The following PPP4R4 variants were observed in gnomAD, a reference collection of about 807,000 sequenced individuals.
PPP4R4 encodes the protein protein phosphatase 4 regulatory subunit 4.
A neutral mutation model predicts 121.8 loss-of-function variants in PPP4R4; 70 were observed. The ratio of observed to expected loss-of-function variants is 0.57; its 90% confidence interval spans 0.47 to 0.70. The LOEUF (loss-of-function observed/expected upper bound fraction) is 0.70, where lower values mean the gene tolerates loss of function less well. PPP4R4 is among the 30% of genes least tolerant of loss of function. The pLI, the probability that PPP4R4 is intolerant of heterozygous loss-of-function variation, is 0.00. For missense variants in PPP4R4, 875 were observed against 1,033.6 expected (o/e 0.85, Z 2.10); for synonymous variants, 348 against 355.7 (o/e 0.98, Z 0.24).
intron 2 of PPP4R4, among the ~76,000 whole-genome samples, chr14:94,206,394 T>C (rs112458284): frequency 0.023 from 3,533 of 152,178 alleles, 85 homozygotes; most frequent in Non-Finnish European, 0.037. Context: ...TATAGTCGAA[T>C]CATTTTTAAA....
At chr14:94,266,930 A>G in intron 22 of PPP4R4, 29 bp from the exon 23 acceptor site, 8 of 1,437,100 alleles carry the variant, frequency 5.6e-6, no homozygotes, top group Non-Finnish European at 7.8e-6. Flanking sequence ...GTGTTTTTGT[A>G]TTTTAAACTA....
At chr14:94,275,563 T>C (rs1894592952) in intron 24 of PPP4R4, 42 bp downstream of exon 24, 1 of 1,601,992 alleles carries the variant, frequency 6.2e-7, no homozygotes. Context: ...ATTATCCTCC[T>C]CTTTTGCTTA....
chr14:94,222,904 C>T (rs532384123), intron 3 of PPP4R4, among the ~76,000 whole-genome samples: 122 of 152,022 alleles, frequency 8.0e-4, no homozygotes, highest in Middle Eastern at 6.8e-3. Context: ...ATAGTATTTC[C>T]ATGTCCTTTA....
At chr14:94,278,559 C>G (rs372359555) in intron 24 of PPP4R4, 60 bp from the exon 25 acceptor site, 2 of 1,193,600 alleles carry the variant, frequency 1.7e-6, no homozygotes, top group Admixed American at 2.1e-5. Context: ...TCTTTTTCTC[C>G]CTTTCTCACT....
rs1162380036 is a variant in PPP4R4 at position 94,208,551 on chromosome 14, G to A, written c.279G>A (p.Val93=). 6.2e-7 allele frequency: 1 copy of A among 1,606,722 alleles called. No individual in the cohort carries two copies. Among genetic ancestry groups the A allele is most frequent in the Non-Finnish European group, 8.5e-7 (1 of 1,174,224 alleles). ...RQNPTETLRR[V]LPKVREALHV... ...ATCCCACTGAGACGCTTCGGAGAGT[G>A]TTGCCAAAAGTCAGAGTAAGTTGGT... The change falls in exon 3 of 25, where the codon GTG becomes GTA. Residue 93 remains valine (V), a synonymous_variant. Transcript: ENST00000304338.
intron 3 of PPP4R4, among the ~76,000 whole-genome samples, chr14:94,222,136 A>G (rs1007149000): frequency 6.6e-6 from 1 of 151,994 alleles, no homozygotes; most frequent in Admixed American, 6.5e-5. Context: ...CTGTATTTTA[A>G]TTAGAATATT....
intron 2 of PPP4R4, among the ~76,000 whole-genome samples, chr14:94,176,421 T>C (rs180874136): frequency 9.8e-5 from 15 of 152,348 alleles, no homozygotes; most frequent in Admixed American, 9.8e-4. Flanking sequence ...TTTTCTCGCG[T>C]AAGATTCAGT....
intron 2 of PPP4R4, among the ~76,000 whole-genome samples, chr14:94,182,614 C>T (rs757098950): frequency 9.9e-5 from 15 of 152,154 alleles, no homozygotes; most frequent in Non-Finnish European, 2.2e-4. Flanking sequence ...ATTGTTCATT[C>T]TCATTGCTGT....
At chr14:94,194,278 A>C (rs1277302483) in intron 2 of PPP4R4, among the ~76,000 whole-genome samples, 1 of 152,074 alleles carries the variant, frequency 6.6e-6, no homozygotes, top group Non-Finnish European at 1.5e-5. Flanking sequence ...TTAGTTTTAG[A>C]GGAATGGTTT....
intron 24 of PPP4R4, among the ~76,000 whole-genome samples, chr14:94,277,768 A>G (rs978833318): frequency 1.3e-5 from 2 of 152,172 alleles, no homozygotes; most frequent in African/African-American, 2.4e-5. Context: ...CTTGTTCAAC[A>G]TACGTAGTAT....
At chr14:94,223,367 A>G (rs1449428153) in intron 3 of PPP4R4, among the ~76,000 whole-genome samples, 2 of 152,230 alleles carry the variant, frequency 1.3e-5, no homozygotes, top group African/African-American at 4.8e-5. Flanking sequence ...CTGCACTAGC[A>G]ATAGAGTCTT....
intron 7 of PPP4R4, among the ~76,000 whole-genome samples, chr14:94,235,737 A>G (rs1190074634): frequency 6.6e-6 from 1 of 152,052 alleles, no homozygotes; most frequent in African/African-American, 2.4e-5. Context: ...AAGCTCCAGG[A>G]GAGGCATAGC....
At chr14:94,230,561 A>G in intron 3 of PPP4R4, 26 bp from the exon 4 acceptor site, 1 of 1,586,730 alleles carries the variant, frequency 6.3e-7, no homozygotes, top group Non-Finnish European at 8.6e-7. Context: ...ATCTATGTAA[A>G]TAGCAAACTC....
intron 3 of PPP4R4, among the ~76,000 whole-genome samples, chr14:94,219,080 CTTT>C (rs71301922): frequency 9.4e-6 from 1 of 106,950 alleles, no homozygotes. Context: ...CTTTTCTTTT[CTTT>C]TTTTTTTTTT....
intron 2 of PPP4R4, among the ~76,000 whole-genome samples, chr14:94,192,971 T>G (rs143490770): frequency 2.4e-4 from 36 of 152,328 alleles, no homozygotes; most frequent in African/African-American, 8.4e-4. Context: ...ATGTGGCTTA[T>G]TCTTCGTGGA....
At chr14:94,252,864 CA>C (rs1893258863) in intron 16 of PPP4R4, among the ~76,000 whole-genome samples, 1 of 152,156 alleles carries the variant, frequency 6.6e-6, no homozygotes, top group Admixed American at 6.5e-5. Context: ...GAATTTTAGG[CA>C]ATATGTAAAA....
chr14:94,189,780 A>G (rs1170408390), intron 2 of PPP4R4, among the ~76,000 whole-genome samples: 2 of 152,162 alleles, frequency 1.3e-5, no homozygotes, highest in Non-Finnish European at 2.9e-5. Context: ...TTTCTATATC[A>G]TACTGGAGGG....
chr14:94,192,342 T>G (rs1889646070), intron 2 of PPP4R4, among the ~76,000 whole-genome samples: 1 of 152,298 alleles, frequency 6.6e-6, no homozygotes, highest in Admixed American at 6.5e-5. Context: ...TTAAGCTTCT[T>G]GTGTCCCTCT....
At position 94,237,583 on chromosome 14, in the gene PPP4R4, TGTG is replaced by T; in HGVS notation, c.754_756del (p.Val252del). 1 of 1,612,744 alleles carries T rather than the reference TGTG, an allele frequency of 6.2e-7. No individual in the cohort carries two copies. The highest frequency in any genetic ancestry group is 8.5e-7 in the Non-Finnish European group (1 of 1,178,786). Reference sequence around the variant, plus strand: ...TGTGCAGGACAGAACTTACAAAAAGTGTGGTGCTCCCTGAATTAATAGAACTTT... The same window carrying T: ...TGTGCAGGACAGAACTTACAAAAAGTGTGCTCCCTGAATTAATAGAACTTT... On this transcript the variant is annotated inframe_deletion, in exon 8 of 25. Coordinates refer to ENST00000304338, the MANE Select transcript of PPP4R4 (RefSeq NM_058237.2).
Sources: allele counts gnomAD v4.1 joint callset (sites outside exome capture counted in the v4.1 genomes callset), GRCh38; gene constraint gnomAD v4.1.1; transcripts MANE v1.5; gene names NCBI Gene and HGNC (gene_info 2026-07-23, HGNC 2026-07-21).